TMX1: variants seen among roughly 807,000 people sequenced by gnomAD.
TMX1 encodes the protein thioredoxin-related transmembrane protein 1.
TMX1 carries 25 observed loss-of-function variants against 36.6 expected under a neutral mutation model. The observed-to-expected ratio is 0.68, with a 90% confidence interval of 0.50 to 0.95. The LOEUF is 0.95. Among genes scored for constraint, TMX1 ranks in the 40% least tolerant of loss-of-function variants. The pLI is 0.00. For synonymous variants in TMX1, 133 were observed against 118.0 expected (o/e 1.13, Z -0.82); for missense variants, 347 against 339.6 (o/e 1.02, Z -0.17).
At chr14:51,242,928 A>G (rs1334356523) in intron 1 of TMX1, among the ~76,000 whole-genome samples, 1 of 152,196 alleles carries the variant, frequency 6.6e-6, no homozygotes, top group Non-Finnish European at 1.5e-5. Flanking sequence ...TTTCATTGTA[A>G]TACGATTTAT....
intron 7 of TMX1, 31 bp from the exon 8 acceptor site, chr14:51,254,309 AC>A (rs775716412): frequency 1.3e-5 from 21 of 1,560,538 alleles, no homozygotes; most frequent in Non-Finnish European, 1.8e-5. Flanking sequence ...TAATACATCA[AC>A]AAAAATACAT....
At chr14:51,251,123 C>T (rs879412379) in intron 7 of TMX1, among the ~76,000 whole-genome samples, 1 of 152,136 alleles carries the variant, frequency 6.6e-6, no homozygotes, top group Non-Finnish European at 1.5e-5. Flanking sequence ...TTAGTAGATA[C>T]AAAAGATAGA....
intron 2 of TMX1, 34 bp from the exon 3 acceptor site, chr14:51,245,279 T>C (rs762467377): frequency 1.9e-6 from 3 of 1,612,814 alleles, no homozygotes; most frequent in East Asian, 2.2e-5. Context: ...GTGATTGGCC[T>C]ATGTAAAACC....
chr14:51,242,783 T>TA (rs1255614291), intron 1 of TMX1, among the ~76,000 whole-genome samples: 1 of 151,900 alleles, frequency 6.6e-6, no homozygotes, highest in Admixed American at 6.6e-5. Flanking sequence ...TTTCAAAAAA[T>TA]AAAAAAGCAA....
intron 1 of TMX1, among the ~76,000 whole-genome samples, chr14:51,241,591 A>AGC (rs898511062): frequency 3.3e-5 from 5 of 152,222 alleles, no homozygotes; most frequent in Non-Finnish European, 5.9e-5. Flanking sequence ...TTCAGCTGGA[A>AGC]GTGGCGTACG....
Position 51,240,343 on chromosome 14 carries a change from G to T in TMX1, c.51G>T (p.Leu17Phe). The change falls in exon 1 of 8, where the codon TTG becomes TTT. Residue 17 changes from leucine (L) to phenylalanine (F), a missense_variant. Transcript: ENST00000457354. Reference sequence around the variant, plus strand: ...TTCCCCTGGCAGTCCTGGTGCTGTTGCTTTGGGGTGCTCCCTGGACGCACG... The same window carrying T: ...TTCCCCTGGCAGTCCTGGTGCTGTTTCTTTGGGGTGCTCCCTGGACGCACG... ...LAVPLAVLVL[L>F]LWGAPWTHGR... is the part of the protein sequence containing the mutation. 1.2e-6 allele frequency: 2 copies of T among 1,613,860 alleles called. No individual in the cohort carries two copies. Among genetic ancestry groups the T allele is most frequent in the Non-Finnish European group, 1.7e-6 (2 of 1,180,008 alleles).
At chr14:51,242,758 C>T (rs2065767740) in intron 1 of TMX1, among the ~76,000 whole-genome samples, 2 of 152,002 alleles carry the variant, frequency 1.3e-5, no homozygotes, top group African/African-American at 4.8e-5. Flanking sequence ...GCCTGGGTAA[C>T]AAAGCGAGAC....
rs368097667 is a variant in TMX1, at chr14:51,240,304, C to A, written c.12C>A (p.Ser4=). The A allele has an allele frequency of 1.9e-6, 3 of 1,611,684 alleles. No homozygotes were observed. Among genetic ancestry groups the A allele is most frequent in the East Asian group, 4.5e-5 (2 of 44,904 alleles). Residue 4 remains serine (S), a synonymous_variant, in exon 1 of 8, where the codon TCC becomes TCA. Coordinates refer to ENST00000457354, the MANE Select transcript of TMX1 (RefSeq NM_030755.5). MAP[S]GSLAVPLAVL... is the part of the protein sequence containing the mutation. ...GGGCAAGCGGCGAAATGGCGCCCTC[C>A]GGGAGTCTTGCAGTTCCCCTGGCAG...
chr14:51,245,365 A>G lies in TMX1; in HGVS notation c.314+7A>G. 1 of 1,613,838 alleles carries G rather than the reference A, an allele frequency of 6.2e-7. No individual in the cohort carries two copies. The highest frequency in any genetic ancestry group is 2.2e-5 in the East Asian group (1 of 44,842). ...CTCTTCCTACTATTTATCAGTAAGT[A>G]TTTGAAGATTCTAAATTATGGAGAA... is the stretch of plus-strand genomic sequence containing the variant. On this transcript the variant is annotated splice_region_variant and intron_variant, in intron 3 of 7. Transcript: ENST00000457354.
intron 1 of TMX1, 113 bp from the exon 2 acceptor site, chr14:51,243,743 G>C: frequency 1.4e-6 from 1 of 735,008 alleles, no homozygotes; most frequent in East Asian, 3.0e-5. Flanking sequence ...ATCATCTTCA[G>C]TGTTTTCATA....
In TMX1 at chr14:51,254,800, A is replaced by C. The variant is rs1388033035; in HGVS notation, c.*281A>C. ...ATTTGTTTAATAATAACCTATTTCA[A>C]GTCTGAGTTTTGAAAATTTACATTT... On this transcript the variant is annotated 3_prime_UTR_variant, in exon 8 of 8. Coordinates refer to ENST00000457354, the MANE Select transcript of TMX1 (RefSeq NM_030755.5). 2 of 220,278 alleles carry C rather than the reference A, an allele frequency of 9.1e-6. No individual in the cohort carries two copies. The highest frequency in any genetic ancestry group is 1.9e-4 in the East Asian group (2 of 10,656). The allele number at this position is 220,278 out of a possible 1,614,324, so 13.6% of individuals were successfully genotyped here.
At chr14:51,247,031 G>A in intron 3 of TMX1, 61 bp from the exon 4 acceptor site, 1 of 1,464,934 alleles carries the variant, frequency 6.8e-7, no homozygotes, top group Non-Finnish European at 9.2e-7. Flanking sequence ...TGAAAAAATA[G>A]CAAAATAAAT....
chr14:51,255,840 A>C lies in TMX1; in HGVS notation c.*1321A>C, dbSNP rs559629810. 3 of 152,406 alleles carry C rather than the reference A, an allele frequency of 2.0e-5. No homozygotes were observed. Among genetic ancestry groups the C allele is most frequent in the Non-Finnish European group, 2.9e-5 (2 of 67,928 alleles). 9.4% of individuals were successfully genotyped at this position (152,406 alleles called of 1,614,324 possible). On this transcript the variant is annotated 3_prime_UTR_variant, in exon 8 of 8. Transcript: ENST00000457354. Reference sequence around the variant, plus strand: ...ATCAACTGACCATTACGTAGTAGACAATTTCTGTAATGTCCCCTTCTTTCT... The same window carrying C: ...ATCAACTGACCATTACGTAGTAGACCATTTCTGTAATGTCCCCTTCTTTCT...
At chr14:51,240,822 T>A (rs889460567) in intron 1 of TMX1, among the ~76,000 whole-genome samples, 3 of 152,196 alleles carry the variant, frequency 2.0e-5, no homozygotes, top group Admixed American at 1.3e-4. Flanking sequence ...ACTTCTACAC[T>A]TATTTTCACC....
At chr14:51,247,659 C>T (rs576671681) in intron 4 of TMX1, among the ~76,000 whole-genome samples, 30 of 152,282 alleles carry the variant, frequency 2.0e-4, no homozygotes, top group Non-Finnish European at 2.9e-5. Context: ...GCACGGCCTA[C>T]ATGTTTGATC....
rs549296743 is a variant in TMX1 at position 51,241,600 on chromosome 14, C to G, written c.152+1156C>G. Among the ~76,000 whole-genome samples, 14 of 152,264 alleles carry G rather than the reference C, an allele frequency of 9.2e-5. No homozygotes were observed. The South Asian group carries it at 2.7e-3, about 29-fold the overall frequency. On this transcript the variant is annotated intron_variant, in intron 1 of 7. Transcript: ENST00000457354. ...AAAAGGTTCAGCTGGAAGTGGCGTA[C>G]GCTACCCAGGAGATTGAGGTATGAG...
At chr14:51,253,372 G>A (rs1217537416) in intron 7 of TMX1, among the ~76,000 whole-genome samples, 2 of 152,222 alleles carry the variant, frequency 1.3e-5, no homozygotes, top group East Asian at 3.8e-4. Flanking sequence ...GACCGCCTGG[G>A]GTGTGGCATA....
intron 1 of TMX1, 131 bp downstream of exon 1, chr14:51,240,575 G>C: frequency 7.6e-7 from 1 of 1,311,240 alleles, no homozygotes; most frequent in Non-Finnish European, 1.0e-6. Flanking sequence ...CCCGACTTCT[G>C]CAGCTCCCCA....
intron 7 of TMX1, among the ~76,000 whole-genome samples, chr14:51,251,381 T>C (rs1191076765): frequency 2.0e-5 from 3 of 152,210 alleles, no homozygotes; most frequent in Non-Finnish European, 1.5e-5. Flanking sequence ...TTTTGACTTA[T>C]GATATTTTCA....
Sources: allele counts gnomAD v4.1 joint callset (sites outside exome capture counted in the v4.1 genomes callset), GRCh38; gene constraint gnomAD v4.1.1; transcripts MANE v1.5; gene names NCBI Gene and HGNC (gene_info 2026-07-23, HGNC 2026-07-21).